Variants in CABIN1 observed in about 807,000 individuals in gnomAD.
The protein encoded by CABIN1 is calcineurin binding protein 1.
Under a neutral mutation model 227.7 loss-of-function variants are expected in CABIN1, and 133 were observed. That is an observed-to-expected ratio of 0.58 (90% confidence interval 0.51 to 0.67). The LOEUF is 0.67. Among genes scored for constraint, CABIN1 ranks in the 30% least tolerant of loss-of-function variants. The pLI is 0.00. For synonymous variants in CABIN1, 1,086 were observed against 1,155.1 expected (o/e 0.94, Z 1.21); for missense variants, 2,408 against 2,852.5 (o/e 0.84, Z 3.55).
intron 26 of CABIN1, among the ~76,000 whole-genome samples, chr22:24,098,736 G>A (rs2042041540): frequency 6.6e-6 from 1 of 152,202 alleles, no homozygotes; most frequent in South Asian, 2.1e-4. Flanking sequence ...GGTGGCGACT[G>A]TTCAACCACA....
intron 6 of CABIN1, among the ~76,000 whole-genome samples, chr22:24,045,907 G>A (rs1165219308): frequency 6.6e-6 from 1 of 152,118 alleles, no homozygotes; most frequent in Non-Finnish European, 1.5e-5. Context: ...TTTAATTGAG[G>A]CAAAACATAC....
At chr22:24,168,679 C>T (rs1181961048) in intron 33 of CABIN1, 158 bp downstream of exon 33, 10 of 730,308 alleles carry the variant, frequency 1.4e-5, no homozygotes, top group South Asian at 4.5e-5. Flanking sequence ...GCCTCCAGCA[C>T]GTGGCCATAG....
chr22:24,019,991 C>G (rs1306290837), intron 1 of CABIN1, among the ~76,000 whole-genome samples: 1 of 152,042 alleles, frequency 6.6e-6, no homozygotes, highest in African/African-American at 2.4e-5. Flanking sequence ...TGATTTATCT[C>G]TTCTAATTTT....
chr22:24,015,376 G>T (rs1448760586), intron 1 of CABIN1, among the ~76,000 whole-genome samples: 19 of 144,820 alleles, frequency 1.3e-4, no homozygotes, highest in African/African-American at 4.4e-4. Context: ...ACGGAGTCTC[G>T]CTCTTTTGCC....
At chr22:24,042,291 A>G (rs1368824868) in intron 5 of CABIN1, among the ~76,000 whole-genome samples, 1 of 152,210 alleles carries the variant, frequency 6.6e-6, no homozygotes, top group Non-Finnish European at 1.5e-5. Flanking sequence ...CTTATTAAAT[A>G]TGTAAGGAAT....
Position 24,135,597 on chromosome 22 carries a change from G to C in CABIN1, c.4746+1182G>C, listed in dbSNP as rs923233991. On this transcript the variant is annotated intron_variant, in intron 29 of 36. Coordinates refer to ENST00000263119, the MANE Select transcript of CABIN1 (RefSeq NM_012295.4). ...TCCTCTGTCCTGCATGGAGACAGCTGGCCCCTCACTCCCCTCTACCTCCAA... is the reference window on the plus strand; with the variant it reads ...TCCTCTGTCCTGCATGGAGACAGCTCGCCCCTCACTCCCCTCTACCTCCAA... Among the ~76,000 whole-genome samples, 196 of 152,112 alleles carry C rather than the reference G, an allele frequency of 1.3e-3. 4 individuals are homozygous for C. Among genetic ancestry groups the C allele is most frequent in the Non-Finnish European group, 4.1e-4 (28 of 68,020 alleles).
chr22:24,136,129 T>C (rs1392626557), intron 29 of CABIN1, among the ~76,000 whole-genome samples: 1 of 152,180 alleles, frequency 6.6e-6, no homozygotes, highest in Admixed American at 6.5e-5. Flanking sequence ...GTCTCATGTG[T>C]GTCCTTCTAG....
At chr22:24,124,549 G>A (rs1015040041) in intron 28 of CABIN1, among the ~76,000 whole-genome samples, 2 of 152,200 alleles carry the variant, frequency 1.3e-5, no homozygotes, top group Non-Finnish European at 2.9e-5. Flanking sequence ...CATTTATGCT[G>A]ATAGCCATAA....
rs749564019 is a variant in CABIN1 at position 24,062,939 on chromosome 22, G to T, written c.1697-20G>T. 2 of 1,613,056 alleles carry T rather than the reference G, an allele frequency of 1.2e-6. No homozygotes were observed. The highest frequency in any genetic ancestry group is 1.7e-5 in the Admixed American group (1 of 60,022). ...AGAATGCTACACATGAAGTTGACTC[G>T]TTGGCCTGATGGTTTTTAGTGTCTC... On this transcript the variant is annotated intron_variant, in intron 13 of 36. Coordinates refer to ENST00000263119, the MANE Select transcript of CABIN1 (RefSeq NM_012295.4).
At chr22:24,152,604 C>T (rs1395578790) in intron 29 of CABIN1, among the ~76,000 whole-genome samples, 1 of 152,176 alleles carries the variant, frequency 6.6e-6, no homozygotes, top group Non-Finnish European at 1.5e-5. Context: ...TTCAAAGCTC[C>T]CAGGCTGAGA....
chr22:24,096,489 AGTGGGAAGT>A (rs1442087649), intron 25 of CABIN1, among the ~76,000 whole-genome samples: 6 of 152,240 alleles, frequency 3.9e-5, no homozygotes, highest in East Asian at 3.9e-4. Context: ...CCTGAGAAGC[AGTGGGAAGT>A]GTGGGAAGTG....
At chr22:24,109,425 A>G (rs1210920656) in intron 26 of CABIN1, among the ~76,000 whole-genome samples, 1 of 151,016 alleles carries the variant, frequency 6.6e-6, no homozygotes, top group Non-Finnish European at 1.5e-5. Context: ...TATGTTGCCC[A>G]GGCTGGTCTT....
chr22:24,091,301 G>T (rs1012546313), intron 23 of CABIN1, among the ~76,000 whole-genome samples: 1 of 152,194 alleles, frequency 6.6e-6, no homozygotes, highest in Non-Finnish European at 1.5e-5. Flanking sequence ...ATCTGCATTA[G>T]ATGCTGCAGG....
intron 24 of CABIN1, among the ~76,000 whole-genome samples, chr22:24,095,453 C>T (rs2041834160): frequency 8.0e-6 from 1 of 125,242 alleles, no homozygotes; most frequent in South Asian, 2.5e-4. Context: ...ACGGGGAAGA[C>T]GTTTTCGAGG....
chr22:24,018,724 C>A lies in CABIN1; in HGVS notation c.-75+7357C>A, dbSNP rs553469110. Among the ~76,000 whole-genome samples the A allele has an allele frequency of 6.6e-5, 10 of 152,096 alleles. No homozygotes were observed. In the East Asian group the frequency reaches 1.4e-3, roughly 21 times the overall value. On this transcript the variant is annotated intron_variant, in intron 1 of 36. Coordinates refer to ENST00000263119, the MANE Select transcript of CABIN1 (RefSeq NM_012295.4). The stretch of plus-strand genomic sequence containing the variant: ...TGTCTGTTATACCTATCCCCCCTTA[C>A]AGTTTTTTTTTCATTGTTTTCCTAG...
intron 20 of CABIN1, 52 bp downstream of exon 20, chr22:24,083,441 C>G (rs2040944305): frequency 6.3e-7 from 1 of 1,597,916 alleles, no homozygotes; most frequent in Non-Finnish European, 8.6e-7. Flanking sequence ...GCTGTAAGCT[C>G]TTTTGAAGGA....
intron 29 of CABIN1, among the ~76,000 whole-genome samples, chr22:24,158,622 C>T (rs12158073): frequency 3.3e-5 from 5 of 152,256 alleles, no homozygotes; most frequent in African/African-American, 7.2e-5. Context: ...ACCCCTGACT[C>T]GGCTGCCCAT....
Position 24,075,695 on chromosome 22 carries a change from T to C in CABIN1, c.2633-474T>C, listed in dbSNP as rs550848715. 2.0e-5 allele frequency among the ~76,000 whole-genome samples: 3 copies of C among 151,816 alleles called. No homozygotes were observed. The South Asian group carries it at 6.3e-4, about 32-fold the overall frequency. The stretch of plus-strand genomic sequence containing the variant: ...AGGAATTGGAGGCTGCAGTGAGCTA[T>C]AATTGTGCCAACTGTACTCCAGCCT... On this transcript the variant is annotated intron_variant, in intron 18 of 36. Coordinates refer to ENST00000263119, the MANE Select transcript of CABIN1 (RefSeq NM_012295.4).
In CABIN1 at chr22:24,034,499, A is replaced by G. The variant is rs552808962; in HGVS notation, c.-74-945A>G. On this transcript the variant is annotated intron_variant, in intron 1 of 36. Coordinates refer to ENST00000263119, the MANE Select transcript of CABIN1 (RefSeq NM_012295.4). ...TGGACATACTTCATTTTATTTATCC[A>G]TTCATCAGTTGGTGGACATTTAGGT... Among the ~76,000 whole-genome samples the G allele has an allele frequency of 4.6e-5, 7 of 152,306 alleles. No individual in the cohort carries two copies. In the South Asian group the frequency reaches 1.5e-3, roughly 32 times the overall value.
Sources: gnomAD v4.1 joint callset for allele counts (sites outside exome capture counted in the v4.1 genomes callset) on GRCh38, gnomAD v4.1.1 for gene constraint, MANE v1.5 for transcripts, NCBI Gene and HGNC (gene_info 2026-07-23, HGNC 2026-07-21) for gene names.